GPC6: variants seen among roughly 807,000 people sequenced by gnomAD.
GPC6 encodes the protein glypican-6.
Under a neutral mutation model 55.2 loss-of-function variants are expected in GPC6, and 14 were observed. The observed-to-expected ratio is 0.25, with a 90% CI of 0.17 to 0.40. The LOEUF is 0.40. Among genes scored for constraint, GPC6 ranks in the 10% least tolerant of loss-of-function variants. The probability of loss-of-function intolerance (pLI) is 1.00; values close to 1 mark genes in which losing one functional copy is unlikely to be tolerated. For missense variants in GPC6, 641 were observed against 708.5 expected (o/e 0.90, Z 1.08); for synonymous variants, 278 against 259.6 (o/e 1.07, Z -0.68).
chr13:94,364,419 G>T (rs536008057), intron 6 of GPC6, among the ~76,000 whole-genome samples: 1 of 152,132 alleles, frequency 6.6e-6, no homozygotes, highest in African/African-American at 2.4e-5. Flanking sequence ...CCTCACCGGG[G>T]TAAGAACTTG....
intron 1 of GPC6, among the ~76,000 whole-genome samples, chr13:93,359,583 C>G (rs1880975566): frequency 1.3e-5 from 2 of 152,148 alleles, no homozygotes; most frequent in Admixed American, 6.6e-5. Flanking sequence ...AATATTAAAA[C>G]TGTGATTTTT....
At chr13:93,242,574 G>A (rs1876468678) in intron 1 of GPC6, among the ~76,000 whole-genome samples, 1 of 152,104 alleles carries the variant, frequency 6.6e-6, no homozygotes, top group Admixed American at 6.5e-5. Context: ...GTGGGTGAGG[G>A]GGAGAAGTCC....
chr13:93,428,010 G>A (rs1388706973), intron 1 of GPC6, among the ~76,000 whole-genome samples: 1 of 152,008 alleles, frequency 6.6e-6, no homozygotes, highest in Non-Finnish European at 1.5e-5. Flanking sequence ...TTCAGTACTA[G>A]TATTCTGCTG....
intron 2 of GPC6, among the ~76,000 whole-genome samples, chr13:93,653,938 A>G (rs1880540283): frequency 1.3e-5 from 2 of 152,346 alleles, no homozygotes; most frequent in South Asian, 4.1e-4. Flanking sequence ...ATCCGCCTAG[A>G]GAAGCGGAAA....
chr13:93,388,259 G>A (rs1875480384), intron 1 of GPC6, among the ~76,000 whole-genome samples: 1 of 152,102 alleles, frequency 6.6e-6, no homozygotes, highest in Non-Finnish European at 1.5e-5. Context: ...TTTGGGAGGA[G>A]GTCTACACAT....
intron 3 of GPC6, among the ~76,000 whole-genome samples, chr13:93,979,317 G>GTT (rs1491319597): frequency 7.6e-6 from 1 of 131,826 alleles, no homozygotes; most frequent in African/African-American, 3.1e-5. Flanking sequence ...GTGTGTGTGT[G>GTT]TTTGTGTGTG....
intron 2 of GPC6, among the ~76,000 whole-genome samples, chr13:93,631,296 T>C (rs1207659151): frequency 6.6e-6 from 1 of 152,042 alleles, no homozygotes; most frequent in Non-Finnish European, 1.5e-5. Flanking sequence ...GGCATGAACT[T>C]CTGTGGCTCT....
chr13:94,288,896 C>CAAATATATATAATTTGTT (rs1555316148), intron 5 of GPC6, among the ~76,000 whole-genome samples: 1 of 117,784 alleles, frequency 8.5e-6, no homozygotes, highest in African/African-American at 3.1e-5. Flanking sequence ...ATATATATAA[C>CAAATATATATAATTTGTT]AAATATATAT....
chr13:93,363,793 C>G (rs1259679594), intron 1 of GPC6, among the ~76,000 whole-genome samples: 1 of 151,506 alleles, frequency 6.6e-6, no homozygotes, highest in Non-Finnish European at 1.5e-5. Context: ...CTCTCCAGCA[C>G]CTGTTGTTTC....
At chr13:94,034,196 AGAAAGAAG>A (rs1315525821) in intron 4 of GPC6, among the ~76,000 whole-genome samples, 14 of 57,560 alleles carry the variant, frequency 2.4e-4, no homozygotes, top group African/African-American at 3.4e-4. Flanking sequence ...AGAGAAAGAA[AGAAAGAAG>A]GAAGGAAGGA....
intron 6 of GPC6, chr13:94,306,355 G>T: frequency 3.4e-6 from 2 of 579,936 alleles, no homozygotes; most frequent in Non-Finnish European, 6.1e-6. Flanking sequence ...CATGTATGCA[G>T]TGACCACATT....
intron 4 of GPC6, among the ~76,000 whole-genome samples, chr13:94,092,483 A>G (rs147295201): frequency 3.3e-4 from 50 of 152,312 alleles, no homozygotes; most frequent in African/African-American, 1.1e-3. Flanking sequence ...TTAATGCTAC[A>G]TAGTATTCCA....
chr13:93,371,927 C>T (rs1454571802), intron 1 of GPC6, among the ~76,000 whole-genome samples: 2 of 152,090 alleles, frequency 1.3e-5, no homozygotes, highest in African/African-American at 4.8e-5. Flanking sequence ...GATCTCTGTT[C>T]CCTTTGTTCC....
At chr13:93,874,310 A>G (rs1889222504) in intron 3 of GPC6, among the ~76,000 whole-genome samples, 1 of 151,610 alleles carries the variant, frequency 6.6e-6, no homozygotes, top group Admixed American at 6.6e-5. Flanking sequence ...ATTTGGTTTT[A>G]TGTTCCTCAT....
intron 2 of GPC6, among the ~76,000 whole-genome samples, chr13:93,762,445 C>T (rs1884985182): frequency 1.3e-5 from 2 of 152,202 alleles, no homozygotes; most frequent in African/African-American, 4.8e-5. Context: ...GCTTCTTGAC[C>T]TGTGGTCAGT....
chr13:93,757,951 C>T (rs1291486127), intron 2 of GPC6, among the ~76,000 whole-genome samples: 2 of 152,128 alleles, frequency 1.3e-5, no homozygotes. Context: ...TCCAAGGCCC[C>T]CTCCAGGACT....
chr13:94,300,560 C>T (rs1342500716), intron 5 of GPC6, among the ~76,000 whole-genome samples: 1 of 152,132 alleles, frequency 6.6e-6, no homozygotes, highest in Non-Finnish European at 1.5e-5. Flanking sequence ...TAGTAATCCT[C>T]TTAAGAGAGA....
In GPC6 at chr13:94,167,270, G is replaced by C. The variant is rs146391940; in HGVS notation, c.878-119079G>C. 7.1e-3 allele frequency among the ~76,000 whole-genome samples: 1,085 copies of C among 152,274 alleles called. 6 individuals are homozygous for C. Among genetic ancestry groups the C allele is most frequent in the African/African-American group, 0.017 (698 of 41,548 alleles). On this transcript the variant is annotated intron_variant, in intron 4 of 8. Transcript: ENST00000377047. Reference sequence around the variant, plus strand: ...TGCTTATAGGAGAAAAGCTGTTCTTGTGTAGTCATAACAGTGTTAAGGGGT... The same window carrying C: ...TGCTTATAGGAGAAAAGCTGTTCTTCTGTAGTCATAACAGTGTTAAGGGGT...
intron 3 of GPC6, among the ~76,000 whole-genome samples, chr13:93,907,545 G>T (rs1876736803): frequency 6.6e-6 from 1 of 151,950 alleles, no homozygotes; most frequent in Non-Finnish European, 1.5e-5. Flanking sequence ...ACAGATCTAT[G>T]GTTGGAATCT....
Sources: gnomAD v4.1 joint callset for allele counts (sites outside exome capture counted in the v4.1 genomes callset) on GRCh38, gnomAD v4.1.1 for gene constraint, MANE v1.5 for transcripts, NCBI Gene and HGNC (gene_info 2026-07-23, HGNC 2026-07-21) for gene names.